The following SLC17A1 variants were observed in gnomAD, a reference collection of about 807,000 sequenced individuals.
SLC17A1 encodes solute carrier family 17 member 1, also known as sodium-dependent phosphate transport protein 1.
Under a neutral mutation model 53.5 loss-of-function variants are expected in SLC17A1, and 51 were observed. The observed-to-expected ratio is 0.95, with a 90% CI of 0.76 to 1.20. The LOEUF (loss-of-function observed/expected upper bound fraction) is 1.20. SLC17A1 is among the 50% of genes most tolerant of loss of function. The pLI is 0.00. For synonymous variants in SLC17A1, 179 were observed against 198.8 expected, an observed-to-expected ratio of 0.90 and a Z score of 0.84; for missense variants, 538 against 568.2, an observed-to-expected ratio of 0.95 and a Z score of 0.54.
chr6:25,755,560 CA>C, the SLC17A1 span, among the ~76,000 whole-genome samples: 54,321 of 151,968 alleles, frequency 0.36, 10,490 homozygotes, highest in Middle Eastern at 0.49. Context: ...CAGACACAAG[CA>C]GTCTTGGCAA....
At chr6:25,758,421 G>A in the SLC17A1 span, among the ~76,000 whole-genome samples, 1 of 152,164 alleles carries the variant, frequency 6.6e-6, no homozygotes, top group African/African-American at 2.4e-5. Flanking sequence ...TGTAACACAT[G>A]TAAACACCAA....
chr6:25,727,489 T>G, the SLC17A1 span, among the ~76,000 whole-genome samples: 3 of 151,544 alleles, frequency 2.0e-5, no homozygotes, highest in Non-Finnish European at 4.4e-5. Flanking sequence ...CCTCCTGAGT[T>G]CACGCCATTC....
chr6:25,830,612 G>A lies in SLC17A1; in HGVS notation c.-50-5C>T. 1 of 1,608,490 alleles carries A rather than the reference G, an allele frequency of 6.2e-7. No homozygotes were observed. Among genetic ancestry groups the A allele is most frequent in the Non-Finnish European group, 8.5e-7 (1 of 1,175,492 alleles). On this transcript the variant is annotated splice_polypyrimidine_tract_variant and splice_region_variant and intron_variant, in intron 1 of 12. Coordinates refer to ENST00000244527, the MANE Select transcript of SLC17A1 (RefSeq NM_005074.5). ...GAAGGGTTTTGCCTCCACCCACTGTGAGTGCAAAACACGTTGATGTCAGCA... is the reference window on the plus strand; with the variant it reads ...GAAGGGTTTTGCCTCCACCCACTGTAAGTGCAAAACACGTTGATGTCAGCA...
At chr6:25,830,210 A>C (rs1363842916) in intron 2 of SLC17A1, among the ~76,000 whole-genome samples, 1 of 152,184 alleles carries the variant, frequency 6.6e-6, no homozygotes, top group Non-Finnish European at 1.5e-5. Context: ...CCTTACTTCC[A>C]CTTACAGATC....
chr6:25,819,792 T>C lies in SLC17A1; in HGVS notation c.331A>G (p.Ile111Val), dbSNP rs2151500240. Residue 111 changes from isoleucine (I) to valine (V), a missense_variant, in exon 4 of 13, where the codon ATT becomes GTT. Ile to Val is a conservative substitution (Grantham distance 29). Coordinates refer to ENST00000244527, the MANE Select transcript of SLC17A1 (RefSeq NM_005074.5). ...FSGIYSTKKM[I>V]GFALCLSSVL... ...GAGCTGAGGCATAATGCAAAGCCAATCATTTTCTTTGTAGAATATATTCCA... is the reference window on the plus strand; with the variant it reads ...GAGCTGAGGCATAATGCAAAGCCAACCATTTTCTTTGTAGAATATATTCCA... 1.9e-6 allele frequency: 3 copies of C among 1,614,188 alleles called. No homozygotes were observed. Among genetic ancestry groups the C allele is most frequent in the East Asian group, 4.5e-5 (2 of 44,892 alleles).
chr6:25,753,295 G>A, the SLC17A1 span, among the ~76,000 whole-genome samples: 1 of 152,182 alleles, frequency 6.6e-6, no homozygotes, highest in Non-Finnish European at 1.5e-5. Flanking sequence ...GGACAGCAGG[G>A]CAGAGGTCAG....
intron 3 of SLC17A1, among the ~76,000 whole-genome samples, chr6:25,825,431 A>G (rs983418199): frequency 3.3e-5 from 5 of 151,976 alleles, no homozygotes; most frequent in African/African-American, 1.2e-4. Flanking sequence ...CTAGGTTGGC[A>G]GGGGTTTTCT....
chr6:25,726,770 C>T, the SLC17A1 span: 7 of 1,185,808 alleles, frequency 5.9e-6, no homozygotes, highest in East Asian at 2.4e-5. Flanking sequence ...TTTCATCCTC[C>T]AGTTCTGTTT....
intron 2 of SLC17A1, 70 bp from the exon 3 acceptor site, chr6:25,826,703 G>T: frequency 8.6e-7 from 1 of 1,162,658 alleles, no homozygotes; most frequent in Non-Finnish European, 1.1e-6. Context: ...ACTATAGGAG[G>T]GACATTCAGA....
At chr6:25,782,208 G>A (rs1223356908), downstream of SLC17A1, among the ~76,000 whole-genome samples, 3 of 152,102 alleles carry the variant, frequency 2.0e-5, no homozygotes, top group African/African-American at 4.8e-5. Flanking sequence ...TACTTGGAAG[G>A]GAGGCAGTAA....
At chr6:25,766,917 C>T in the SLC17A1 span, among the ~76,000 whole-genome samples, 1 of 152,080 alleles carries the variant, frequency 6.6e-6, no homozygotes, top group Non-Finnish European at 1.5e-5. Flanking sequence ...GATTCTGGAA[C>T]AGAAAAAGGA....
At chr6:25,775,294 T>C in the SLC17A1 span, among the ~76,000 whole-genome samples, 1 of 150,896 alleles carries the variant, frequency 6.6e-6, no homozygotes, top group African/African-American at 2.4e-5. Flanking sequence ...ATTATGACAT[T>C]GCACTCCAGC....
At chr6:25,822,265 A>G (rs143978139) in intron 3 of SLC17A1, among the ~76,000 whole-genome samples, 3 of 151,786 alleles carry the variant, frequency 2.0e-5, no homozygotes, top group African/African-American at 4.8e-5. Flanking sequence ...TGACTTTTTC[A>G]TATTCCTTTC....
the SLC17A1 span, chr6:25,776,802 C>T: frequency 1.2e-6 from 2 of 1,613,924 alleles, no homozygotes; most frequent in East Asian, 2.2e-5. Flanking sequence ...TGTTTGTCCT[C>T]CTACCCCAGG....
At chr6:25,816,869 C>T (rs1312367375) in intron 6 of SLC17A1, among the ~76,000 whole-genome samples, 6 of 144,410 alleles carry the variant, frequency 4.2e-5, no homozygotes, top group East Asian at 2.1e-4. Context: ...TTTTTTGAGA[C>T]GGAGTTTCAC....
chr6:25,821,152 G>T (rs1195157696), intron 3 of SLC17A1, among the ~76,000 whole-genome samples: 2 of 152,174 alleles, frequency 1.3e-5, no homozygotes, highest in African/African-American at 4.8e-5. Context: ...AACAGTGAAT[G>T]TGCTGGATGT....
At chr6:25,777,260 C>A in the SLC17A1 span, 2 of 314,066 alleles carry the variant, frequency 6.4e-6, no homozygotes, top group Non-Finnish European at 1.2e-5. Context: ...GGCGGAATCA[C>A]TGAAAGAAAT....
At chr6:25,736,725 T>C in the SLC17A1 span, among the ~76,000 whole-genome samples, 1 of 152,170 alleles carries the variant, frequency 6.6e-6, no homozygotes, top group Non-Finnish European at 1.5e-5. Context: ...TCTTTTAAAA[T>C]CCTGAAATTT....
chr6:25,749,867 A>T, the SLC17A1 span, among the ~76,000 whole-genome samples: 737 of 152,326 alleles, frequency 4.8e-3, 25 homozygotes, highest in Admixed American at 0.044. Context: ...TTTCTGTGCC[A>T]TGAGACTGGC....
Sources: gnomAD v4.1 joint callset for allele counts (sites outside exome capture counted in the v4.1 genomes callset) on GRCh38, gnomAD v4.1.1 for gene constraint, MANE v1.5 for transcripts, NCBI Gene and HGNC (gene_info 2026-07-23, HGNC 2026-07-21) for gene names.